CACNA1E: variants seen among roughly 807,000 people sequenced by gnomAD.
CACNA1E encodes the protein voltage-dependent R-type calcium channel subunit alpha-1E.
Under a neutral mutation model 259.2 loss-of-function variants are expected in CACNA1E, and 40 were observed. The ratio of observed to expected loss-of-function variants is 0.15; its 90% CI spans 0.12 to 0.20. The LOEUF (loss-of-function observed/expected upper bound fraction) is 0.20. Ranked by LOEUF, CACNA1E falls within the 10% of genes least tolerant of loss-of-function variation. The probability of loss-of-function intolerance (pLI) is 1.00; values close to 1 mark genes in which losing one functional copy is unlikely to be tolerated. For synonymous variants in CACNA1E, 1,104 were observed against 1,138.5 expected, an observed-to-expected ratio of 0.97 and a Z score of 0.61; for missense variants, 1,874 against 3,040.1, an observed-to-expected ratio of 0.62 and a Z score of 9.02.
chr1:181,680,667 C>T (rs1184368239), intron 7 of CACNA1E, among the ~76,000 whole-genome samples: 2 of 152,234 alleles, frequency 1.3e-5, no homozygotes, highest in African/African-American at 2.4e-5. Context: ...CAGCAGCACA[C>T]TTCACCACAC....
intron 25 of CACNA1E, among the ~76,000 whole-genome samples, chr1:181,748,273 T>C (rs900788648): frequency 7.2e-5 from 11 of 152,202 alleles, no homozygotes; most frequent in Non-Finnish European, 1.6e-4. Flanking sequence ...TAAGGAACCC[T>C]GTTTTCCAAA....
rs780615083 is a variant in CACNA1E, at chr1:181,776,833, C to A, written c.5267+605C>A. The stretch of plus-strand genomic sequence containing the variant: ...TTAGTAGTTCTGAAGTGATAGCGTG[C>A]CTTCTAGGCTCTAGAGCAGGGATTG... On this transcript the variant is annotated intron_variant, in intron 38 of 47. Coordinates refer to ENST00000367573, the MANE Select transcript of CACNA1E (RefSeq NM_001205293.3). This position sits in a 1 kb window ranked among gnomAD's most constrained non-coding sequence, Gnocchi z 4.4. 6.6e-6 allele frequency among the ~76,000 whole-genome samples: 1 copy of A among 152,192 alleles called. No homozygotes were observed. The highest frequency in any genetic ancestry group is 1.5e-5 in the Non-Finnish European group (1 of 68,034).
At chr1:181,797,435 G>T (rs1462775034) in intron 47 of CACNA1E, among the ~76,000 whole-genome samples, 1 of 152,176 alleles carries the variant, frequency 6.6e-6, no homozygotes, top group African/African-American at 2.4e-5. Context: ...CATAATAGGA[G>T]ACCCCCTCAA....
At chr1:181,599,801 T>G (rs1653561063) in intron 6 of CACNA1E, among the ~76,000 whole-genome samples, 2 of 152,344 alleles carry the variant, frequency 1.3e-5, no homozygotes, top group African/African-American at 4.8e-5. Flanking sequence ...ACAAAGCCTA[T>G]GTTAAATGAG....
At chr1:181,729,264 G>T (rs533261228) in intron 18 of CACNA1E, among the ~76,000 whole-genome samples, 1 of 152,064 alleles carries the variant, frequency 6.6e-6, no homozygotes, top group Non-Finnish European at 1.5e-5. Context: ...CACTGCTCAG[G>T]TGTATGTGCC....
chr1:181,612,530 G>C (rs2103116282), intron 6 of CACNA1E, among the ~76,000 whole-genome samples: 1 of 152,344 alleles, frequency 6.6e-6, no homozygotes, highest in East Asian at 1.9e-4. Flanking sequence ...CTCTGGAGTA[G>C]ATAGAGTTTA....
Position 181,790,462 on chromosome 1 carries a change from A to T in CACNA1E, c.5804A>T (p.Tyr1935Phe), listed in dbSNP as rs1558395801. Residue 1935 changes from tyrosine (Y) to phenylalanine (F), a missense_variant, in exon 44 of 48, where the codon TAC becomes TTC. This residue lies in a region of CACNA1E where 542 missense variants were observed against 587.2 expected (regional missense o/e 0.92). Transcript: ENST00000367573. The part of the protein sequence containing the change: ...PVSGLSGRSG[Y>F]PSMSPLSPQD... Reference sequence around the variant, plus strand: ...CTTTTCAGGAGTGGCCGGAGTGGATACCCTTCGATGAGTCCACTCTCTCCC... The same window carrying T: ...CTTTTCAGGAGTGGCCGGAGTGGATTCCCTTCGATGAGTCCACTCTCTCCC... 1 of 1,611,206 alleles carries T rather than the reference A, an allele frequency of 6.2e-7. No homozygotes were observed. Among genetic ancestry groups the T allele is most frequent in the Non-Finnish European group, 8.5e-7 (1 of 1,177,550 alleles).
intron 3 of CACNA1E, among the ~76,000 whole-genome samples, chr1:181,554,435 G>T (rs2102856107): frequency 6.6e-6 from 1 of 152,238 alleles, no homozygotes; most frequent in East Asian, 1.9e-4. Flanking sequence ...TTGTCAAGGG[G>T]CTTGCTGAAA....
chr1:181,440,232 T>C (rs537798152), intron 2 of CACNA1E, among the ~76,000 whole-genome samples: 1 of 152,222 alleles, frequency 6.6e-6, no homozygotes, highest in East Asian at 1.9e-4. Flanking sequence ...TATGCTTCCA[T>C]AGAAGGAGAT....
chr1:181,674,039 T>G (rs1182826754), intron 7 of CACNA1E, among the ~76,000 whole-genome samples: 2 of 151,828 alleles, frequency 1.3e-5, no homozygotes, highest in Non-Finnish European at 2.9e-5. Flanking sequence ...TTTTATGACC[T>G]AAGCAGTTGG....
rs535407672 is a variant in CACNA1E at position 181,559,698 on chromosome 1, G to A, written c.513-18068G>A. Among the ~76,000 whole-genome samples, 5 of 152,330 alleles carry A rather than the reference G, an allele frequency of 3.3e-5. No individual in the cohort carries two copies. The East Asian group carries it at 7.7e-4, about 24-fold the overall frequency. ...CCCTGTAATGAGTCATTTTCACGGAGTGAGGAGGACAGCAGCCAGGGGCAG... is the reference window on the plus strand; with the variant it reads ...CCCTGTAATGAGTCATTTTCACGGAATGAGGAGGACAGCAGCCAGGGGCAG... On this transcript the variant is annotated intron_variant, in intron 3 of 47. Coordinates refer to ENST00000367573, the MANE Select transcript of CACNA1E (RefSeq NM_001205293.3).
At chr1:181,383,845 AC>A (rs1384765230) in intron 1 of CACNA1E, among the ~76,000 whole-genome samples, 1 of 152,130 alleles carries the variant, frequency 6.6e-6, no homozygotes, top group Non-Finnish European at 1.5e-5. Flanking sequence ...TCCAGACCTG[AC>A]CCACAAAACC....
At chr1:181,634,093 G>A (rs1341397762) in intron 6 of CACNA1E, among the ~76,000 whole-genome samples, 1 of 152,146 alleles carries the variant, frequency 6.6e-6, no homozygotes, top group Non-Finnish European at 1.5e-5. Flanking sequence ...CTTTGTTGTG[G>A]GTCAGTGAGC....
intron 3 of CACNA1E, among the ~76,000 whole-genome samples, chr1:181,545,184 C>T (rs1379877097): frequency 6.6e-6 from 1 of 152,144 alleles, no homozygotes; most frequent in East Asian, 1.9e-4. Flanking sequence ...TAGTTACTCC[C>T]AGAAGGAGGG....
At chr1:181,576,620 C>G (rs1487183030) in intron 3 of CACNA1E, among the ~76,000 whole-genome samples, 1 of 152,158 alleles carries the variant, frequency 6.6e-6, no homozygotes, top group Non-Finnish European at 1.5e-5. Context: ...TTTTGCCACC[C>G]TTTGACTATA....
intron 6 of CACNA1E, among the ~76,000 whole-genome samples, chr1:181,584,550 G>C (rs1417106743): frequency 6.6e-6 from 1 of 152,204 alleles, no homozygotes; most frequent in African/African-American, 2.4e-5. Flanking sequence ...ATATAGTCAG[G>C]ATTTATTAAA....
chr1:181,518,957 T>C (rs1171752352), intron 3 of CACNA1E, among the ~76,000 whole-genome samples: 1 of 152,198 alleles, frequency 6.6e-6, no homozygotes, highest in Non-Finnish European at 1.5e-5. Flanking sequence ...TTTGGGACTT[T>C]ATTTGTCTCC....
intron 35 of CACNA1E, among the ~76,000 whole-genome samples, chr1:181,767,694 A>G (rs1164583110): frequency 6.6e-6 from 1 of 152,222 alleles, no homozygotes; most frequent in Non-Finnish European, 1.5e-5. Flanking sequence ...CTAAAAATAC[A>G]ATAGAATGTC....
chr1:181,479,838 G>T (rs546172808), upstream of CACNA1E, among the ~76,000 whole-genome samples: 252 of 152,314 alleles, frequency 1.7e-3, 11 homozygotes, highest in South Asian at 0.051. Flanking sequence ...ATCAGATGTG[G>T]GCAAACGGCT....
Sources: gnomAD v4.1 joint callset for allele counts (sites outside exome capture counted in the v4.1 genomes callset) on GRCh38, gnomAD v4.1.1 for gene constraint, gnomAD v4.1.1 regional missense constraint, Gnocchi (gnomAD v3.1) non-coding constraint, MANE v1.5 for transcripts, NCBI Gene and HGNC (gene_info 2026-07-23, HGNC 2026-07-21) for gene names.